Variants in CHORDC1 observed in about 807,000 individuals in gnomAD.
CHORDC1 encodes the protein cysteine and histidine rich domain containing 1, also known as cysteine and histidine-rich domain-containing protein 1.
In CHORDC1, 25 loss-of-function variants were observed where a neutral mutation model predicts 48.3. The observed-to-expected ratio is 0.52, with a 90% CI of 0.38 to 0.72. CHORDC1 has a LOEUF of 0.72. CHORDC1 is among the 30% of genes least tolerant of loss of function. CHORDC1 has a pLI of 0.00. For synonymous variants in CHORDC1, 128 were observed against 126.4 expected (o/e 1.01, Z -0.09); for missense variants, 317 against 388.7 (o/e 0.82, Z 1.55).
intron 3 of CHORDC1, among the ~76,000 whole-genome samples, chr11:90,214,444 G>A (rs1359315617): frequency 6.6e-6 from 1 of 151,962 alleles, no homozygotes; most frequent in East Asian, 1.9e-4. Flanking sequence ...GTTTACAGAA[G>A]AATTCTGGAG....
intron 1 of CHORDC1, among the ~76,000 whole-genome samples, chr11:90,220,527 G>T (rs1858139984): frequency 6.6e-6 from 1 of 152,144 alleles, no homozygotes; most frequent in Non-Finnish European, 1.5e-5. Context: ...TAAACGCAAT[G>T]TATAACAGAG....
At chr11:90,207,282 A>ACTAT (rs10657024) in intron 6 of CHORDC1, 99,505 of 153,874 alleles carry the variant, frequency 0.65, 32,798 homozygotes, top group South Asian at 0.75. Context: ...TCTATTTTCT[A>ACTAT]CTAATTATCA....
rs1857857606 is a variant in CHORDC1, at chr11:90,211,437, CCATTAAAA to C, written c.330-127_330-120del. ...AAATGCTTTGTGTATCAAATGATTC[CCATTAAAA>C]GGTTAAAAGGTATTTTATAAATAAT... On this transcript the variant is annotated intron_variant, in intron 4 of 10. Coordinates refer to ENST00000320585, the MANE Select transcript of CHORDC1 (RefSeq NM_012124.3). 2.9e-6 allele frequency: 2 copies of C among 682,078 alleles called. 1 individual carries two copies. Among genetic ancestry groups the C allele is most frequent in the South Asian group, 3.3e-5 (2 of 60,524 alleles). 42.3% of individuals were successfully genotyped at this position (682,078 alleles called of 1,614,324 possible).
intron 4 of CHORDC1, chr11:90,213,525 C>T (rs547430022): frequency 2.1e-5 from 12 of 576,622 alleles, no homozygotes; most frequent in East Asian, 5.8e-5. Context: ...AATGAGCAAA[C>T]GCTTTTTTAA....
In CHORDC1 at chr11:90,202,814, C is replaced by A; in HGVS notation, c.851G>T (p.Gly284Val). ...TTCTTATAAATTTGTAATACTTACA[C>A]CCCATAATTTCACATTTTGATCAAA... ...KEFDQNVKLW[G>V]VIDVKRSYVT... The change falls in exon 10 of 11, where the codon GGT (glycine) becomes GTT (valine). Residue 284 changes from glycine (G) to valine (V), a missense_variant and splice_region_variant. Transcript: ENST00000320585. The A allele has an allele frequency of 6.3e-7, 1 of 1,595,770 alleles. No individual in the cohort carries two copies. Among genetic ancestry groups the A allele is most frequent in the Non-Finnish European group, 8.5e-7 (1 of 1,173,028 alleles).
rs75135611 is a variant in CHORDC1, at chr11:90,211,029, T to C, written c.433+186A>G. ...GGTTCTCGTTTTGAATAAAGACATATGGAATTAACCTATTAGGTTCTGAAG... is the reference window on the plus strand; with the variant it reads ...GGTTCTCGTTTTGAATAAAGACATACGGAATTAACCTATTAGGTTCTGAAG... On this transcript the variant is annotated intron_variant, in intron 5 of 10. Coordinates refer to ENST00000320585, the MANE Select transcript of CHORDC1 (RefSeq NM_012124.3). 1.6e-3 allele frequency: 632 copies of C among 406,426 alleles called. 3 individuals carry two copies. The highest frequency in any genetic ancestry group is 0.012 in the African/African-American group (563 of 47,676). The allele number at this position is 406,426 out of a possible 1,614,324, so 25.2% of individuals were successfully genotyped here.
chr11:90,205,805 C>T, intron 7 of CHORDC1: 1 of 485,454 alleles, frequency 2.1e-6, no homozygotes, highest in Middle Eastern at 5.2e-4. Context: ...AGAAGAGAGG[C>T]TCTCAACTGC....
intron 9 of CHORDC1, among the ~76,000 whole-genome samples, 199 bp downstream of exon 9, chr11:90,203,109 A>G (rs1201822019): frequency 6.6e-6 from 1 of 152,170 alleles, no homozygotes; most frequent in Admixed American, 6.5e-5. Context: ...TATCTCCAGA[A>G]TGGTTCAGCA....
At chr11:90,209,501 CA>C (rs2096070036) in intron 6 of CHORDC1, 1 of 151,820 alleles carries the variant, frequency 6.6e-6, no homozygotes, top group South Asian at 2.1e-4. Flanking sequence ...CAAGATACAA[CA>C]AAGAAAAAAA....
chr11:90,220,071 ATTAGTG>A (rs1255993318), intron 1 of CHORDC1, among the ~76,000 whole-genome samples: 2 of 152,196 alleles, frequency 1.3e-5, no homozygotes, highest in Non-Finnish European at 2.9e-5. Context: ...ATCAGCTATC[ATTAGTG>A]TTAGTGTATT....
Position 90,211,514 on chromosome 11 carries a change from A to G in CHORDC1, c.330-196T>C, listed in dbSNP as rs1033333870. ...TTCTGTCTTAACAGAAAAGCTCCTTATATTAGAATAGTAAGTCTCAAATAA... is the reference window on the plus strand; with the variant it reads ...TTCTGTCTTAACAGAAAAGCTCCTTGTATTAGAATAGTAAGTCTCAAATAA... On this transcript the variant is annotated intron_variant, in intron 4 of 10. Transcript: ENST00000320585. 4.0e-5 allele frequency: 18 copies of G among 444,626 alleles called. No individual in the cohort carries two copies. In the South Asian group the frequency reaches 4.6e-4, roughly 11 times the overall value. 27.5% of individuals were successfully genotyped at this position (444,626 alleles called of 1,614,324 possible).
chr11:90,222,740 TGCGCGGGCA>T, intron 1 of CHORDC1, 142 bp downstream of exon 1: 2 of 762,736 alleles, frequency 2.6e-6, no homozygotes, highest in Non-Finnish European at 4.6e-6. Flanking sequence ...GCCGGCGGGC[TGCGCGGGCA>T]GCCAAGGGAG....
chr11:90,205,070 A>C (rs1271768445), intron 8 of CHORDC1, among the ~76,000 whole-genome samples: 2 of 151,442 alleles, frequency 1.3e-5, no homozygotes, highest in East Asian at 3.9e-4. Context: ...AAATGATTGA[A>C]GTTTTAAGTG....
At chr11:90,212,130 C>T (rs1460506435) in intron 4 of CHORDC1, 1 of 152,074 alleles carries the variant, frequency 6.6e-6, no homozygotes, top group Non-Finnish European at 1.5e-5. Context: ...AAATATTAGT[C>T]GGTCACTGAT....
intron 1 of CHORDC1, 53 bp downstream of exon 1, chr11:90,222,838 T>C: frequency 6.6e-7 from 1 of 1,526,288 alleles, no homozygotes; most frequent in African/African-American, 1.4e-5. Context: ...CCAAAGGGCC[T>C]CCCCTGCTGA....
At chr11:90,220,839 T>C (rs371611535) in intron 1 of CHORDC1, among the ~76,000 whole-genome samples, 1 of 152,290 alleles carries the variant, frequency 6.6e-6, no homozygotes, top group African/African-American at 2.4e-5. Flanking sequence ...ACTGAGCTAC[T>C]CGCTAGTAGT....
rs144016127 is a variant in CHORDC1, at chr11:90,203,400, C to T, written c.697G>A (p.Asp233Asn). Reference sequence around the variant, plus strand: ...ACTTCACCTCCAGTCTGATGCCAGTCATGTCTACATGGAACAACTTTTTTC... The same window carrying T: ...ACTTCACCTCCAGTCTGATGCCAGTTATGTCTACATGGAACAACTTTTTTC... ...AGKKVVPCRH[D>N]WHQTGGEVTI... The change falls in exon 9 of 11, where the codon GAC becomes AAC. Residue 233 changes from aspartate to asparagine, a missense_variant. Physicochemically the swap from Asp to Asn is conservative, Grantham distance 23. Coordinates refer to ENST00000320585, the MANE Select transcript of CHORDC1 (RefSeq NM_012124.3). 2 of 1,581,396 alleles carry T rather than the reference C, an allele frequency of 1.3e-6. No individual in the cohort carries two copies. The highest frequency in any genetic ancestry group is 1.7e-6 in the Non-Finnish European group (2 of 1,157,290).
Position 90,218,120 on chromosome 11 carries a change from A to G in CHORDC1, c.114+15T>C. 4 of 1,545,678 alleles carry G rather than the reference A, an allele frequency of 2.6e-6. No homozygotes were observed. The highest frequency in any genetic ancestry group is 3.5e-6 in the Non-Finnish European group (4 of 1,145,700). On this transcript the variant is annotated intron_variant, in intron 2 of 10. Coordinates refer to ENST00000320585, the MANE Select transcript of CHORDC1 (RefSeq NM_012124.3). ...TACTACACAGATATGAAAAAAATGA[A>G]AATATAGTTCCTACCTTTAATGCAT...
chr11:90,205,324 C>G, intron 8 of CHORDC1, 136 bp downstream of exon 8: 1 of 628,172 alleles, frequency 1.6e-6, no homozygotes, highest in Non-Finnish European at 2.8e-6. Flanking sequence ...CATTTTATTT[C>G]GTAGTCACAT....
Sources: gnomAD v4.1 joint callset for allele counts (sites outside exome capture counted in the v4.1 genomes callset) on GRCh38, gnomAD v4.1.1 for gene constraint, MANE v1.5 for transcripts, NCBI Gene and HGNC (gene_info 2026-07-23, HGNC 2026-07-21) for gene names.